Variants in C21orf91 observed in about 807,000 individuals in gnomAD.
The protein encoded by C21orf91 is protein EURL homolog.
Under a neutral mutation model 32.9 loss-of-function variants are expected in C21orf91, and 26 were observed. The ratio of observed to expected loss-of-function variants is 0.79; its 90% CI spans 0.58 to 1.10. The LOEUF (loss-of-function observed/expected upper bound fraction) is 1.10. Ranked by LOEUF, C21orf91 falls within the 50% of genes least tolerant of loss-of-function variation. The probability of loss-of-function intolerance (pLI) is 0.00; values close to 1 mark genes in which losing one functional copy is unlikely to be tolerated. For synonymous variants in C21orf91, 126 were observed against 120.4 expected (o/e 1.05, Z -0.31); for missense variants, 310 against 341.3 (o/e 0.91, Z 0.72).
At chr21:17,813,769 T>TA (rs1250002748) in intron 2 of C21orf91, 1 of 152,212 alleles carries the variant, frequency 6.6e-6, no homozygotes, top group Non-Finnish European at 1.5e-5. Flanking sequence ...GAGCATCATG[T>TA]AGGTGTTCAA....
Position 17,789,093 on chromosome 21 carries a change from C to G in C21orf91, c.*4322G>C, listed in dbSNP as rs999338910. 2.6e-5 allele frequency: 4 copies of G among 152,172 alleles called. No individual in the cohort carries two copies. In the East Asian group the frequency reaches 7.7e-4, roughly 29 times the overall value. 9.4% of individuals were successfully genotyped at this position (152,172 alleles called of 1,614,324 possible). A position where few individuals can be genotyped will look rare whatever the true frequency, so the allele number is the denominator to read the frequency against. ...GCAGTTTTCAAAGAAAATATAACAG[C>G]CAAATAATTGCCTACTTTTTTGAAA... On this transcript the variant is annotated 3_prime_UTR_variant, in exon 5 of 5. Transcript: ENST00000284881.
rs1450417230 is a variant in C21orf91, at chr21:17,789,152, CT to C, written c.*4262del. The C allele has an allele frequency of 2.7e-5, 4 of 149,262 alleles. No individual in the cohort carries two copies. Among genetic ancestry groups the C allele is most frequent in the African/African-American group, 1.0e-4 (4 of 39,638 alleles). 9.2% of individuals were successfully genotyped at this position (149,262 alleles called of 1,614,324 possible). A position where few individuals can be genotyped will look rare whatever the true frequency, so the allele number is the denominator to read the frequency against. On this transcript the variant is annotated 3_prime_UTR_variant, in exon 5 of 5. Transcript: ENST00000284881. ...GTTTTTACCACAGCAGTTTCATTTT[CT>C]TTTTCCAAAAGTCTTAACACAATTT...
chr21:17,801,842 A>T (rs1307395560), intron 2 of C21orf91, among the ~76,000 whole-genome samples: 2 of 141,510 alleles, frequency 1.4e-5, no homozygotes, highest in Non-Finnish European at 3.1e-5. Context: ...TTAAAGTATT[A>T]AAAAAAAAAA....
chr21:17,802,513 T>TA (rs1024357623), intron 2 of C21orf91, among the ~76,000 whole-genome samples: 1 of 152,148 alleles, frequency 6.6e-6, no homozygotes, highest in African/African-American at 2.4e-5. Context: ...AAAAGAATGA[T>TA]TAGATTGTGT....
At chr21:17,804,337 A>C (rs2062581670) in intron 2 of C21orf91, among the ~76,000 whole-genome samples, 1 of 152,230 alleles carries the variant, frequency 6.6e-6, no homozygotes, top group Non-Finnish European at 1.5e-5. Context: ...TTCCCACAAA[A>C]GGACAGGCTT....
chr21:17,802,707 G>A (rs1436923271), intron 2 of C21orf91, among the ~76,000 whole-genome samples: 1 of 152,172 alleles, frequency 6.6e-6, no homozygotes, highest in Non-Finnish European at 1.5e-5. Context: ...AGTAAGCTAG[G>A]CAATCTTTTC....
chr21:17,818,381 A>G, intron 1 of C21orf91, 56 bp from the exon 2 acceptor site: 1 of 1,461,936 alleles, frequency 6.8e-7, no homozygotes, highest in Non-Finnish European at 9.3e-7. Flanking sequence ...CCTTTGGGGT[A>G]GTTCCCTTTA....
In C21orf91 at chr21:17,796,872, T is replaced by G; in HGVS notation, c.374A>C (p.His125Pro). 1 of 1,614,024 alleles carries G rather than the reference T, an allele frequency of 6.2e-7. No individual in the cohort carries two copies. Among genetic ancestry groups the G allele is most frequent in the Non-Finnish European group, 8.5e-7 (1 of 1,179,956 alleles). Residue 125 changes from histidine (H) to proline (P), a missense_variant, in exon 3 of 5, where the codon CAT becomes CCT. Physicochemically the swap from His to Pro is moderately conservative, Grantham distance 77. Coordinates refer to ENST00000284881, the MANE Select transcript of C21orf91 (RefSeq NM_001100420.2). ...TGGGAGTAATTTTTCTTCTGGCTTATGCCTGAAATTAAACAGATGATGCTG... is the reference window on the plus strand; with the variant it reads ...TGGGAGTAATTTTTCTTCTGGCTTAGGCCTGAAATTAAACAGATGATGCTG... Reference protein sequence around the residue: ...NPQHHLFNFRHKPEEKLLPQF... With the variant: ...NPQHHLFNFRPKPEEKLLPQF...
intron 2 of C21orf91, among the ~76,000 whole-genome samples, chr21:17,807,762 A>T (rs2062607761): frequency 1.3e-5 from 2 of 152,308 alleles, no homozygotes; most frequent in South Asian, 4.1e-4. Context: ...TACCCCGGTC[A>T]AGGGATCTGT....
At chr21:17,794,903 T>C (rs769854312) in intron 4 of C21orf91, among the ~76,000 whole-genome samples, 1 of 144,698 alleles carries the variant, frequency 6.9e-6, no homozygotes, top group African/African-American at 2.6e-5. Flanking sequence ...CCCCTCCCTA[T>C]AAAAAATAGA....
Position 17,789,104 on chromosome 21 carries a change from CCTA to C in C21orf91, c.*4308_*4310del, listed in dbSNP as rs1351538575. ...AGAAAATATAACAGCCAAATAATTG[CCTA>C]CTTTTTTGAAACAAACTTGGTTTTT... On this transcript the variant is annotated 3_prime_UTR_variant, in exon 5 of 5. Coordinates refer to ENST00000284881, the MANE Select transcript of C21orf91 (RefSeq NM_001100420.2). 5 of 151,974 alleles carry C rather than the reference CCTA, an allele frequency of 3.3e-5. No individual in the cohort carries two copies. Among genetic ancestry groups the C allele is most frequent in the Admixed American group, 2.6e-4 (4 of 15,248 alleles). The allele number at this position is 151,974 out of a possible 1,614,324, so 9.4% of individuals were successfully genotyped here.
chr21:17,792,513 C>T lies in C21orf91; in HGVS notation c.*902G>A, dbSNP rs1458416951. On this transcript the variant is annotated 3_prime_UTR_variant, in exon 5 of 5. Coordinates refer to ENST00000284881, the MANE Select transcript of C21orf91 (RefSeq NM_001100420.2). ...AAAGACAGAACAATTTCACAGCACACTCAATTTGAAGATAGACATTATATT... is the reference window on the plus strand; with the variant it reads ...AAAGACAGAACAATTTCACAGCACATTCAATTTGAAGATAGACATTATATT... 6.6e-6 allele frequency: 1 copy of T among 151,798 alleles called. No individual in the cohort carries two copies. Among genetic ancestry groups the T allele is most frequent in the Non-Finnish European group, 1.5e-5 (1 of 67,934 alleles). The allele number at this position is 151,798 out of a possible 1,614,324, so 9.4% of individuals were successfully genotyped here.
In C21orf91 at chr21:17,791,249, A is replaced by G. The variant is rs562302945; in HGVS notation, c.*2166T>C. 1 of 152,268 alleles carries G rather than the reference A, an allele frequency of 6.6e-6. No homozygotes were observed. The highest frequency in any genetic ancestry group is 2.1e-4 in the South Asian group (1 of 4,832). 9.4% of individuals were successfully genotyped at this position (152,268 alleles called of 1,614,324 possible). ...GAACTCATCCAAATAAAGTAGTGTG[A>G]GTACCAGCACCACAAAGTTTTTTTT... On this transcript the variant is annotated 3_prime_UTR_variant, in exon 5 of 5. Coordinates refer to ENST00000284881, the MANE Select transcript of C21orf91 (RefSeq NM_001100420.2).
In C21orf91 at chr21:17,807,719, T is replaced by C. The variant is rs989705839; in HGVS notation, c.127+10473A>G. 2.6e-5 allele frequency among the ~76,000 whole-genome samples: 4 copies of C among 152,200 alleles called. No individual in the cohort carries two copies. In the South Asian group the frequency reaches 8.3e-4, roughly 31 times the overall value. ...TGGGAACTGGGGTAAAGGTCACTCT[T>C]GCTATGCTTTACCAAAGAGACTGGT... On this transcript the variant is annotated intron_variant, in intron 2 of 4. Transcript: ENST00000284881.
chr21:17,799,951 GCTA>G (rs1488300885), intron 2 of C21orf91, among the ~76,000 whole-genome samples: 2 of 152,092 alleles, frequency 1.3e-5, no homozygotes, highest in African/African-American at 4.8e-5. Flanking sequence ...GTTCTGCCAG[GCTA>G]CTCAGCGGGT....
At chr21:17,799,249 T>G (rs971497114) in intron 2 of C21orf91, among the ~76,000 whole-genome samples, 2 of 152,166 alleles carry the variant, frequency 1.3e-5, no homozygotes, top group African/African-American at 2.4e-5. Flanking sequence ...ATAATAGATA[T>G]CTATTTGAAG....
At chr21:17,800,071 T>C (rs2062548310) in intron 2 of C21orf91, among the ~76,000 whole-genome samples, 1 of 152,106 alleles carries the variant, frequency 6.6e-6, no homozygotes, top group Admixed American at 6.6e-5. Flanking sequence ...TCCTGTGGCA[T>C]CATTCAATCT....
At chr21:17,804,854 T>C (rs1278980658) in intron 2 of C21orf91, among the ~76,000 whole-genome samples, 4 of 152,232 alleles carry the variant, frequency 2.6e-5, no homozygotes, top group Non-Finnish European at 5.9e-5. Context: ...CTTTTACTGA[T>C]AGATGTATAC....
chr21:17,795,991 T>A (rs568917676), intron 3 of C21orf91, among the ~76,000 whole-genome samples: 2 of 152,354 alleles, frequency 1.3e-5, no homozygotes, highest in South Asian at 4.1e-4. Flanking sequence ...AGATGTAGAA[T>A]CTTAAATAAT....
Sources: gnomAD v4.1 joint callset for allele counts (sites outside exome capture counted in the v4.1 genomes callset) on GRCh38, gnomAD v4.1.1 for gene constraint, MANE v1.5 for transcripts, NCBI Gene and HGNC (gene_info 2026-07-23, HGNC 2026-07-21) for gene names.